LARP1: variants seen among roughly 807,000 people sequenced by gnomAD.
The protein encoded by LARP1 is la-related protein 1.
A neutral mutation model predicts 122.7 loss-of-function variants in LARP1; 36 were observed. That is an observed-to-expected ratio of 0.29 (90% CI 0.22 to 0.39). The LOEUF (loss-of-function observed/expected upper bound fraction) is 0.39, where lower values mean the gene tolerates loss of function less well. LARP1 is among the 10% of genes least tolerant of loss of function. The probability of loss-of-function intolerance (pLI) is 1.00; values close to 1 mark genes in which losing one functional copy is unlikely to be tolerated. For missense variants in LARP1, 1,040 were observed against 1,403.6 expected (o/e 0.74, Z 4.14); for synonymous variants, 539 against 528.7 (o/e 1.02, Z -0.27).
chr5:154,805,006 A>G (rs1474722857), intron 14 of LARP1: 5 of 435,542 alleles, frequency 1.1e-5, no homozygotes, highest in Non-Finnish European at 2.3e-5. Flanking sequence ...GTTAACCAGA[A>G]GCCTTACCAA....
At chr5:154,756,286 C>A in intron 1 of LARP1, 93 bp downstream of exon 1, 1 of 997,026 alleles carries the variant, frequency 1.0e-6, no homozygotes, top group Non-Finnish European at 1.2e-6. Flanking sequence ...CCGGGGTCTG[C>A]TACCGGTCAT....
intron 1 of LARP1, among the ~76,000 whole-genome samples, chr5:154,730,911 A>C (rs1305443733): frequency 2.2e-5 from 3 of 135,412 alleles, no homozygotes; most frequent in African/African-American, 5.7e-5. Flanking sequence ...TCTGTTGCCC[A>C]AGCTGGAGTG....
At chr5:154,721,937 C>T (rs1755896790) in intron 1 of LARP1, among the ~76,000 whole-genome samples, 1 of 152,160 alleles carries the variant, frequency 6.6e-6, no homozygotes, top group Admixed American at 6.5e-5. Context: ...ATGACACAGT[C>T]AGATTTATGG....
intron 10 of LARP1, 103 bp downstream of exon 10, chr5:154,800,145 G>A (rs1470230370): frequency 2.0e-6 from 2 of 1,025,340 alleles, no homozygotes; most frequent in Admixed American, 2.6e-5. Context: ...GGGGCCAGCA[G>A]GAAATCTGGG....
chr5:154,731,089 T>G (rs963006761), intron 1 of LARP1, among the ~76,000 whole-genome samples: 2 of 152,106 alleles, frequency 1.3e-5, no homozygotes, highest in Non-Finnish European at 2.9e-5. Flanking sequence ...CCTCCCACAA[T>G]GTTGGGGTTA....
At chr5:154,811,955 A>C (rs1233569002) in intron 18 of LARP1, among the ~76,000 whole-genome samples, 1 of 152,188 alleles carries the variant, frequency 6.6e-6, no homozygotes, top group Non-Finnish European at 1.5e-5. Flanking sequence ...ATGGGTATCC[A>C]AGATACACAC....
Position 154,803,612 on chromosome 5 carries a change from C to G in LARP1, c.2306C>G (p.Thr769Ser), listed in dbSNP as rs746733042. The G allele has an allele frequency of 1.2e-6, 2 of 1,614,078 alleles. No homozygotes were observed. The highest frequency in any genetic ancestry group is 3.3e-5 in the Admixed American group (2 of 60,010). Residue 769 changes from threonine (T) to serine (S), a missense_variant, in exon 13 of 19, where the codon ACC becomes AGC. Around this residue, in one of 8 missense-constraint regions of LARP1, gnomAD observed 362 missense variants for 533.1 expected, o/e 0.68. Coordinates refer to ENST00000518297, the MANE Select transcript of LARP1 (RefSeq NM_033551.3). The surrounding 1 kb of genome is among the most constrained non-coding windows in gnomAD (Gnocchi z 4.4). The part of the protein sequence containing the change: ...EPSTIARSLP[T>S]TVPESPNYRN... Reference sequence around the variant, plus strand: ...TCCACCATCGCCCGCTCTCTACCAACCACTGTCCCAGAGTCACCAAACTAC... The same window carrying G: ...TCCACCATCGCCCGCTCTCTACCAAGCACTGTCCCAGAGTCACCAAACTAC...
chr5:154,739,022 G>C (rs1363965794), intron 1 of LARP1, among the ~76,000 whole-genome samples: 1 of 152,098 alleles, frequency 6.6e-6, no homozygotes, highest in Non-Finnish European at 1.5e-5. Flanking sequence ...TTGTTTGTTT[G>C]TTTGTTTGTT....
intron 1 of LARP1, among the ~76,000 whole-genome samples, chr5:154,737,733 C>A (rs944360493): frequency 4.6e-5 from 7 of 152,058 alleles, no homozygotes; most frequent in African/African-American, 1.7e-4. Context: ...TACTTGTTTT[C>A]TCCTCAAAAC....
chr5:154,758,948 C>T (rs769537438), intron 1 of LARP1, among the ~76,000 whole-genome samples: 5 of 152,130 alleles, frequency 3.3e-5, no homozygotes, highest in African/African-American at 4.8e-5. Context: ...TCCCTCCCTC[C>T]CCAGAGTATT....
intron 1 of LARP1, among the ~76,000 whole-genome samples, chr5:154,762,389 G>C (rs749922397): frequency 1.3e-5 from 2 of 152,176 alleles, no homozygotes; most frequent in Non-Finnish European, 2.9e-5. Context: ...GAACTGAGTG[G>C]ATAATCAGGA....
intron 18 of LARP1, 45 bp downstream of exon 18, chr5:154,811,685 A>G: frequency 1.2e-6 from 2 of 1,610,550 alleles, no homozygotes; most frequent in Non-Finnish European, 1.7e-6. Context: ...TGGAAAGAAA[A>G]CTGGACCAGG....
intron 1 of LARP1, among the ~76,000 whole-genome samples, chr5:154,771,727 C>G (rs1300727400): frequency 2.0e-5 from 3 of 152,208 alleles, no homozygotes; most frequent in African/African-American, 7.2e-5. Flanking sequence ...AAGCCAGGCA[C>G]TGATCCTGCT....
rs200196703 is a variant in LARP1 at position 154,793,837 on chromosome 5, C to A, written c.906C>A (p.Pro302=). ...CCACCTACGTGCCCGTGGCCCCCCCCACCCCAGCCTGGCAACCAGAGATCA... is the reference window on the plus strand; with the variant it reads ...CCACCTACGTGCCCGTGGCCCCCCCAACCCCAGCCTGGCAACCAGAGATCA... ...ESATYVPVAP[P]TPAWQPEIKP... Residue 302 remains proline (P), a synonymous_variant, in exon 6 of 19, where the codon CCC becomes CCA. Transcript: ENST00000518297. The A allele has an allele frequency of 2.7e-5, 44 of 1,614,206 alleles. No individual in the cohort carries two copies. Among genetic ancestry groups the A allele is most frequent in the African/African-American group, 1.5e-4 (11 of 75,070 alleles).
chr5:154,686,669 A>G (rs1285500262), intron 1 of LARP1, among the ~76,000 whole-genome samples: 1 of 152,164 alleles, frequency 6.6e-6, no homozygotes, highest in Non-Finnish European at 1.5e-5. Context: ...TCCCAATTGC[A>G]TCACACCCAG....
intron 1 of LARP1, among the ~76,000 whole-genome samples, chr5:154,760,033 G>C (rs1006034007): frequency 1.3e-5 from 2 of 151,510 alleles, no homozygotes; most frequent in Non-Finnish European, 2.9e-5. Context: ...TCCACCTCCC[G>C]GGTTCAAGCG....
At chr5:154,745,755 G>A (rs903523816) in intron 1 of LARP1, among the ~76,000 whole-genome samples, 28 of 151,006 alleles carry the variant, frequency 1.9e-4, no homozygotes, top group Admixed American at 5.3e-4. Flanking sequence ...CTGAGGTCAC[G>A]CAGCTAGGAA....
intron 1 of LARP1, among the ~76,000 whole-genome samples, chr5:154,779,120 T>C (rs1359754139): frequency 1.3e-5 from 2 of 152,200 alleles, no homozygotes; most frequent in African/African-American, 4.8e-5. Flanking sequence ...TATTACTTCA[T>C]TTAATCTGTT....
chr5:154,811,005 A>T (rs988840891), intron 16 of LARP1, among the ~76,000 whole-genome samples: 4 of 152,240 alleles, frequency 2.6e-5, no homozygotes, highest in African/African-American at 9.6e-5. Context: ...TAGATACTTC[A>T]TAAAAGAATA....
Sources: allele counts gnomAD v4.1 joint callset (sites outside exome capture counted in the v4.1 genomes callset), GRCh38; gene constraint gnomAD v4.1.1; regional missense constraint gnomAD v4.1.1; non-coding constraint Gnocchi (gnomAD v3.1); transcripts MANE v1.5; gene names NCBI Gene and HGNC (gene_info 2026-07-23, HGNC 2026-07-21).